Variants in SH3PXD2A observed in about 807,000 individuals in gnomAD.
The protein encoded by SH3PXD2A is SH3 and PX domains 2A.
Under a neutral mutation model 115.2 loss-of-function variants are expected in SH3PXD2A, and 32 were observed. The ratio of observed to expected loss-of-function variants is 0.28; its 90% CI spans 0.21 to 0.37. SH3PXD2A has a LOEUF of 0.37. Among genes scored for constraint, SH3PXD2A ranks in the 10% least tolerant of loss-of-function variants. SH3PXD2A has a pLI of 1.00. For synonymous variants in SH3PXD2A, 610 were observed against 629.1 expected, an observed-to-expected ratio of 0.97 and a Z score of 0.45; for missense variants, 1,328 against 1,498.7, an observed-to-expected ratio of 0.89 and a Z score of 1.88.
chr10:103,748,902 G>A (rs1016456060), intron 3 of SH3PXD2A, among the ~76,000 whole-genome samples: 14 of 152,074 alleles, frequency 9.2e-5, no homozygotes, highest in African/African-American at 2.7e-4. Context: ...TAATGTTCAC[G>A]GTGAGAAGAC....
intron 1 of SH3PXD2A, among the ~76,000 whole-genome samples, chr10:103,812,714 G>A (rs2039282660): frequency 6.6e-6 from 1 of 152,034 alleles, no homozygotes; most frequent in South Asian, 2.1e-4. Flanking sequence ...CAGGGGAAAT[G>A]ACCCCTGGGC....
chr10:103,757,193 G>A (rs1238760620), intron 3 of SH3PXD2A, among the ~76,000 whole-genome samples: 7 of 152,210 alleles, frequency 4.6e-5, no homozygotes. Context: ...GGAGGGTAAA[G>A]GACAGGAGTG....
Position 103,602,284 on chromosome 10 carries a change from C to T in SH3PXD2A, c.2934G>A (p.Arg978=). The T allele has an allele frequency of 1.2e-6, 2 of 1,613,356 alleles. No homozygotes were observed. Among genetic ancestry groups the T allele is most frequent in the Non-Finnish European group, 1.7e-6 (2 of 1,179,794 alleles). ...GCGGGGACACAAACACCGACTGGGG[C>T]CTGACCGCCACCTGCCGCACTCCGT... ...MRNGVRQVAV[R]PQSVFVSPPP... is the part of the protein sequence containing the mutation. The change falls in exon 15 of 15, where the codon AGG becomes AGA. Residue 978 remains arginine, a synonymous_variant. Coordinates refer to ENST00000369774, the MANE Select transcript of SH3PXD2A (RefSeq NM_001394015.1).
intron 6 of SH3PXD2A, among the ~76,000 whole-genome samples, chr10:103,683,576 C>G (rs1003578329): frequency 1.5e-4 from 23 of 152,104 alleles, no homozygotes; most frequent in Non-Finnish European, 2.8e-4. Context: ...GTGGGAAGAT[C>G]GCTTGAGCCC....
intron 1 of SH3PXD2A, among the ~76,000 whole-genome samples, chr10:103,824,522 C>T (rs1413778166): frequency 2.6e-5 from 4 of 152,136 alleles, no homozygotes; most frequent in Non-Finnish European, 5.9e-5. Context: ...CTAATGCCCG[C>T]CCATACCCAC....
At chr10:103,796,955 C>T (rs757350182) in intron 2 of SH3PXD2A, among the ~76,000 whole-genome samples, 1 of 151,232 alleles carries the variant, frequency 6.6e-6, no homozygotes, top group Non-Finnish European at 1.5e-5. Flanking sequence ...TGGACCTCCC[C>T]GGCCTCAAGC....
intron 5 of SH3PXD2A, among the ~76,000 whole-genome samples, chr10:103,716,550 A>T (rs2134162976): frequency 6.6e-6 from 1 of 152,342 alleles, no homozygotes; most frequent in African/African-American, 2.4e-5. Context: ...GGAAGAAACA[A>T]GCCGAAGGGA....
At chr10:103,758,288 C>A (rs554002039) in intron 3 of SH3PXD2A, among the ~76,000 whole-genome samples, 2 of 152,214 alleles carry the variant, frequency 1.3e-5, no homozygotes, top group Non-Finnish European at 2.9e-5. Context: ...ACTGTTCTTG[C>A]TGTCCCCCCA....
rs573128162 is a variant in SH3PXD2A, at chr10:103,779,393, G to A, written c.154-12224C>T. Among the ~76,000 whole-genome samples, 18 of 152,326 alleles carry A rather than the reference G, an allele frequency of 1.2e-4. No individual in the cohort carries two copies. In the East Asian group the frequency reaches 2.5e-3, roughly 21 times the overall value. On this transcript the variant is annotated intron_variant, in intron 2 of 14. Transcript: ENST00000369774. The stretch of plus-strand genomic sequence containing the variant: ...ACCCCAGCATCCTCCTGATACCCCC[G>A]TGTGCCAGCCCCGGCTGCTTGTGAA...
chr10:103,840,847 T>C (rs1395352491), intron 1 of SH3PXD2A, among the ~76,000 whole-genome samples: 1 of 152,234 alleles, frequency 6.6e-6, no homozygotes, highest in Non-Finnish European at 1.5e-5. Context: ...GTTATTGTTA[T>C]GTAGCCTTAG....
At chr10:103,741,659 G>C (rs1198273617) in intron 3 of SH3PXD2A, among the ~76,000 whole-genome samples, 1 of 152,222 alleles carries the variant, frequency 6.6e-6, no homozygotes, top group Non-Finnish European at 1.5e-5. Flanking sequence ...AGGCTGTCGA[G>C]GGAGACTTGC....
chr10:103,854,916 A>G lies in SH3PXD2A; in HGVS notation c.72+279T>C, dbSNP rs975535298. Among the ~76,000 whole-genome samples the G allele has an allele frequency of 5.3e-5, 8 of 152,294 alleles. No homozygotes were observed. The East Asian group carries it at 1.5e-3, about 30-fold the overall frequency. On this transcript the variant is annotated intron_variant, in intron 1 of 14. Coordinates refer to ENST00000369774, the MANE Select transcript of SH3PXD2A (RefSeq NM_001394015.1). ...TTGACGAAAGCTCCCCCCACCATCCATCAAAGGCGGACAGATGACTTCACC... is the reference window on the plus strand; with the variant it reads ...TTGACGAAAGCTCCCCCCACCATCCGTCAAAGGCGGACAGATGACTTCACC...
rs530773201 is a variant in SH3PXD2A at position 103,814,486 on chromosome 10, G to A, written c.73-13124C>T. ...ACGAGTGCCAGCGATGGGGAAGCAG[G>A]TCTCTGTCCAACATCAGGAAGAATT... On this transcript the variant is annotated intron_variant, in intron 1 of 14. Coordinates refer to ENST00000369774, the MANE Select transcript of SH3PXD2A (RefSeq NM_001394015.1). Among the ~76,000 whole-genome samples, 68 of 152,322 alleles carry A rather than the reference G, an allele frequency of 4.5e-4. 1 individual carries two copies. Among genetic ancestry groups the A allele is most frequent in the African/African-American group, 1.6e-3 (67 of 41,582 alleles).
chr10:103,654,868 T>C (rs2037185445), intron 8 of SH3PXD2A, among the ~76,000 whole-genome samples: 1 of 151,952 alleles, frequency 6.6e-6, no homozygotes, highest in Admixed American at 6.5e-5. Context: ...AAAGCAGCCT[T>C]CTCTAACACG....
intron 2 of SH3PXD2A, among the ~76,000 whole-genome samples, chr10:103,797,127 G>T (rs1436213646): frequency 6.6e-6 from 1 of 152,086 alleles, no homozygotes; most frequent in Non-Finnish European, 1.5e-5. Context: ...GCCTCTCAAG[G>T]TGCTGGGATT....
chr10:103,646,642 A>G (rs978989394), intron 8 of SH3PXD2A, among the ~76,000 whole-genome samples: 2 of 152,158 alleles, frequency 1.3e-5, no homozygotes, highest in African/African-American at 4.8e-5. Context: ...AGAGCGGGCA[A>G]CTGTATGTGT....
intron 2 of SH3PXD2A, among the ~76,000 whole-genome samples, chr10:103,798,163 A>G (rs753778603): frequency 3.3e-5 from 5 of 152,120 alleles, no homozygotes; most frequent in Non-Finnish European, 7.3e-5. Flanking sequence ...CAGGGAACCA[A>G]CTTGTACAGG....
chr10:103,644,585 C>CAAAAA (rs34818569), intron 8 of SH3PXD2A, among the ~76,000 whole-genome samples: 1 of 102,518 alleles, frequency 9.8e-6, no homozygotes, highest in Non-Finnish European at 1.9e-5. Context: ...GACCAAGTCT[C>CAAAAA]AAAAAAAAAA....
At chr10:103,775,756 G>A (rs562281467) in intron 2 of SH3PXD2A, among the ~76,000 whole-genome samples, 21 of 152,294 alleles carry the variant, frequency 1.4e-4, no homozygotes, top group Non-Finnish European at 2.5e-4. Flanking sequence ...GGCTGGATGA[G>A]GGCAGATGCC....
Sources: gnomAD v4.1 joint callset for allele counts (sites outside exome capture counted in the v4.1 genomes callset) on GRCh38, gnomAD v4.1.1 for gene constraint, MANE v1.5 for transcripts, NCBI Gene and HGNC (gene_info 2026-07-23, HGNC 2026-07-21) for gene names.